The following SLC25A21 variants were observed in gnomAD, a reference collection of about 807,000 sequenced individuals.
SLC25A21 encodes solute carrier family 25 member 21.
A neutral mutation model predicts 43.8 loss-of-function variants in SLC25A21; 47 were observed. The ratio of observed to expected loss-of-function variants is 1.07; its 90% CI spans 0.85 to 1.37. The LOEUF is 1.37. Ranked by LOEUF, SLC25A21 falls within the 40% of genes most tolerant of loss-of-function variation. The pLI is 0.00. For synonymous variants in SLC25A21, 131 were observed against 121.3 expected (o/e 1.08, Z -0.52); for missense variants, 352 against 350.2 (o/e 1.00, Z -0.04).
In SLC25A21 at chr14:36,678,842, A is replaced by G; in HGVS notation, c.*1816T>C. 2.0e-6 allele frequency: 2 copies of G among 981,622 alleles called. No homozygotes were observed. Among genetic ancestry groups the G allele is most frequent in the South Asian group, 9.6e-5 (2 of 20,884 alleles). The allele number at this position is 981,622 out of a possible 1,614,324, so 60.8% of individuals were successfully genotyped here. A position where few individuals can be genotyped will look rare whatever the true frequency, so the allele number is the denominator to read the frequency against. On this transcript the variant is annotated 3_prime_UTR_variant, in exon 10 of 10. Coordinates refer to ENST00000331299, the MANE Select transcript of SLC25A21 (RefSeq NM_030631.4). ...CTTAACAGTGAATTCACATGGAGTA[A>G]TTTTTAAAAGATATCAGATACAATT...
At chr14:37,079,277 C>T (rs536443686) in intron 1 of SLC25A21, among the ~76,000 whole-genome samples, 123 of 152,260 alleles carry the variant, frequency 8.1e-4, no homozygotes, top group African/African-American at 2.9e-3. Context: ...CCTGGTATCC[C>T]ACACACCCTC....
intron 7 of SLC25A21, among the ~76,000 whole-genome samples, chr14:36,695,779 T>G (rs370840081): frequency 5.3e-5 from 8 of 152,170 alleles, no homozygotes; most frequent in African/African-American, 1.4e-4. Flanking sequence ...CTTTCCTGAA[T>G]TTGCTTATCA....
At chr14:37,155,898 C>T (rs1226754262) in intron 1 of SLC25A21, among the ~76,000 whole-genome samples, 2 of 152,060 alleles carry the variant, frequency 1.3e-5, no homozygotes, top group South Asian at 2.1e-4. Flanking sequence ...ATGGTTCATG[C>T]CTGTAATCCT....
chr14:36,854,615 A>G (rs1404358243), intron 2 of SLC25A21, among the ~76,000 whole-genome samples: 1 of 152,254 alleles, frequency 6.6e-6, no homozygotes, highest in Non-Finnish European at 1.5e-5. Context: ...GGTAGTTGCT[A>G]GTGATTTTTA....
At chr14:37,146,764 A>G (rs1963673207) in intron 1 of SLC25A21, among the ~76,000 whole-genome samples, 1 of 152,152 alleles carries the variant, frequency 6.6e-6, no homozygotes, top group Admixed American at 6.5e-5. Flanking sequence ...ATATGTAGCT[A>G]TTTTCTCAGC....
At chr14:37,114,131 TA>T (rs1236410958) in intron 1 of SLC25A21, among the ~76,000 whole-genome samples, 29 of 152,294 alleles carry the variant, frequency 1.9e-4, no homozygotes, top group African/African-American at 6.5e-4. Context: ...CGCACCATAA[TA>T]AAACATAGAG....
intron 3 of SLC25A21, among the ~76,000 whole-genome samples, chr14:36,803,213 A>G (rs1248016137): frequency 1.3e-5 from 2 of 152,236 alleles, no homozygotes; most frequent in East Asian, 3.8e-4. Context: ...ACAGGGTTGT[A>G]GACAGAGCCA....
chr14:36,927,778 TA>T (rs1313315700), intron 1 of SLC25A21, among the ~76,000 whole-genome samples: 1 of 152,170 alleles, frequency 6.6e-6, no homozygotes, highest in African/African-American at 2.4e-5. Context: ...CCAGCTGACT[TA>T]AATCCAATTT....
At chr14:36,864,652 A>G (rs144056486) in intron 2 of SLC25A21, among the ~76,000 whole-genome samples, 28 of 152,328 alleles carry the variant, frequency 1.8e-4, no homozygotes, top group African/African-American at 6.5e-4. Flanking sequence ...CCACACCATT[A>G]TATGTTGCCA....
chr14:37,026,340 C>T (rs1255017360), intron 1 of SLC25A21, among the ~76,000 whole-genome samples: 1 of 152,038 alleles, frequency 6.6e-6, no homozygotes. Flanking sequence ...CTCCAATAAA[C>T]GTATTTATGG....
intron 7 of SLC25A21, among the ~76,000 whole-genome samples, chr14:36,700,994 C>T (rs1883256889): frequency 1.3e-5 from 2 of 151,854 alleles, no homozygotes; most frequent in African/African-American, 4.8e-5. Flanking sequence ...AGTGAACTGC[C>T]TTTTTTTTAA....
chr14:36,924,130 G>T (rs1350791174), intron 1 of SLC25A21, among the ~76,000 whole-genome samples: 1 of 152,044 alleles, frequency 6.6e-6, no homozygotes, highest in Non-Finnish European at 1.5e-5. Flanking sequence ...ATTCCTCAGG[G>T]ATCTAGAACT....
intron 2 of SLC25A21, among the ~76,000 whole-genome samples, chr14:36,825,265 C>T (rs1888785512): frequency 6.9e-6 from 1 of 145,272 alleles, no homozygotes. Flanking sequence ...TTCATGATCT[C>T]TTCCTCTTTC....
intron 1 of SLC25A21, among the ~76,000 whole-genome samples, chr14:36,926,456 C>T (rs1042336286): frequency 1.3e-5 from 2 of 151,820 alleles, no homozygotes; most frequent in Non-Finnish European, 2.9e-5. Context: ...AGGAAAAAGA[C>T]CTTAGGAAGA....
intron 3 of SLC25A21, among the ~76,000 whole-genome samples, chr14:36,783,213 G>T (rs1355671971): frequency 6.7e-6 from 1 of 149,884 alleles, no homozygotes; most frequent in Admixed American, 6.7e-5. Flanking sequence ...GGGTGGGGGT[G>T]GTGGGGGGGC....
At chr14:37,149,580 A>C (rs1300145952) in intron 1 of SLC25A21, among the ~76,000 whole-genome samples, 1 of 152,102 alleles carries the variant, frequency 6.6e-6, no homozygotes, top group Non-Finnish European at 1.5e-5. Flanking sequence ...CTGTAGTCCC[A>C]GCTACTCAGG....
intron 1 of SLC25A21, chr14:37,098,312 GAGAC>G (rs1275246986): frequency 2.0e-5 from 3 of 152,178 alleles, no homozygotes; most frequent in Non-Finnish European, 4.4e-5. Context: ...GTAGACTTTG[GAGAC>G]AGACAGATCT....
chr14:37,019,652 T>TA (rs111377352), intron 1 of SLC25A21, among the ~76,000 whole-genome samples: 262 of 150,852 alleles, frequency 1.7e-3, no homozygotes, highest in Non-Finnish European at 2.6e-3. Flanking sequence ...AGACAACTGG[T>TA]AAAAAAAAAT....
At chr14:36,953,341 A>G (rs1473383643) in intron 1 of SLC25A21, among the ~76,000 whole-genome samples, 1 of 152,216 alleles carries the variant, frequency 6.6e-6, no homozygotes, top group African/African-American at 2.4e-5. Flanking sequence ...TTTATAACAT[A>G]AAGATGGCAT....
Sources: allele counts gnomAD v4.1 joint callset (sites outside exome capture counted in the v4.1 genomes callset), GRCh38; gene constraint gnomAD v4.1.1; transcripts MANE v1.5; gene names NCBI Gene and HGNC (gene_info 2026-07-23, HGNC 2026-07-21).